KCNJ6: variants seen among roughly 807,000 people sequenced by gnomAD.
The protein encoded by KCNJ6 is potassium inwardly rectifying channel subfamily J member 6, also known as G protein-activated inward rectifier potassium channel 2.
Under a neutral mutation model 34.2 loss-of-function variants are expected in KCNJ6, and 9 were observed. That is an observed-to-expected ratio of 0.26 (90% confidence interval 0.16 to 0.46). The LOEUF (loss-of-function observed/expected upper bound fraction) is 0.46, where lower values mean the gene tolerates loss of function less well. KCNJ6 is among the 20% of genes least tolerant of loss of function. The pLI is 1.00. For missense variants in KCNJ6, 236 were observed against 531.3 expected (o/e 0.44, Z 5.46); for synonymous variants, 196 against 207.1 (o/e 0.95, Z 0.46).
intron 2 of KCNJ6, among the ~76,000 whole-genome samples, chr21:37,797,045 G>A (rs1165419215): frequency 6.6e-6 from 1 of 151,640 alleles, no homozygotes; most frequent in African/African-American, 2.4e-5. Flanking sequence ...CACCCGCCTC[G>A]GCCTCCCAAA....
At chr21:37,836,959 A>T (rs922717402) in intron 2 of KCNJ6, among the ~76,000 whole-genome samples, 3 of 152,106 alleles carry the variant, frequency 2.0e-5, no homozygotes, top group African/African-American at 4.8e-5. Context: ...GAACTGCCAC[A>T]CTTAGTTTGC....
rs924939979 is a variant in KCNJ6 at position 37,617,237 on chromosome 21, G to A, written c.*7922C>T. On this transcript the variant is annotated 3_prime_UTR_variant, in exon 4 of 4. Transcript: ENST00000609713. ...CCTTCCTTCTTTTCTTTCTTTTTTTGAGACTGAGTCTCGCTCCGTGGCCCA... is the reference window on the plus strand; with the variant it reads ...CCTTCCTTCTTTTCTTTCTTTTTTTAAGACTGAGTCTCGCTCCGTGGCCCA... 1 of 106,454 alleles carries A rather than the reference G, an allele frequency of 9.4e-6. No homozygotes were observed. The allele number at this position is 106,454 out of a possible 1,614,324, so 6.6% of individuals were successfully genotyped here. A position where few individuals can be genotyped will look rare whatever the true frequency, so the allele number is the denominator to read the frequency against.
At chr21:37,817,697 C>T (rs1010716337) in intron 2 of KCNJ6, among the ~76,000 whole-genome samples, 4 of 152,128 alleles carry the variant, frequency 2.6e-5, no homozygotes, top group African/African-American at 4.8e-5. Context: ...CAGAAATAAC[C>T]GCGTGGCATT....
intron 3 of KCNJ6, among the ~76,000 whole-genome samples, chr21:37,672,138 ATCCCTG>A (rs2054545147): frequency 6.6e-6 from 1 of 152,122 alleles, no homozygotes; most frequent in Admixed American, 6.6e-5. Context: ...CTTAAGGGTG[ATCCCTG>A]CTTGGCTTAA....
At chr21:37,701,426 C>G (rs1476076798) in intron 3 of KCNJ6, among the ~76,000 whole-genome samples, 3 of 152,052 alleles carry the variant, frequency 2.0e-5, no homozygotes, top group African/African-American at 7.2e-5. Flanking sequence ...TTTTAAGTGA[C>G]TCAAGACTTC....
intron 2 of KCNJ6, among the ~76,000 whole-genome samples, chr21:37,730,052 A>T (rs1037553540): frequency 1.3e-5 from 2 of 152,182 alleles, no homozygotes; most frequent in African/African-American, 2.4e-5. Context: ...TCCCTGAAGC[A>T]GTGGCTGCTT....
Position 37,623,544 on chromosome 21 carries a change from C to T in KCNJ6, c.*1615G>A, listed in dbSNP as rs2054297723. 1 of 152,320 alleles carries T rather than the reference C, an allele frequency of 6.6e-6. No homozygotes were observed. Among genetic ancestry groups the T allele is most frequent in the South Asian group, 2.1e-4 (1 of 4,830 alleles). 9.4% of individuals were successfully genotyped at this position (152,320 alleles called of 1,614,324 possible). A position where few individuals can be genotyped will look rare whatever the true frequency, so the allele number is the denominator to read the frequency against. On this transcript the variant is annotated 3_prime_UTR_variant, in exon 4 of 4. Transcript: ENST00000609713. ...TCTCCACCTGCCCCGGAGGTTTGAT[C>T]TAAGATTTGTTTCCTTATTTTTTTC...
chr21:37,909,533 T>C (rs559368150), intron 1 of KCNJ6, among the ~76,000 whole-genome samples: 101 of 152,134 alleles, frequency 6.6e-4, no homozygotes, highest in Non-Finnish European at 1.1e-3. Flanking sequence ...ACCTGGCTGA[T>C]TTTTGTATTT....
At chr21:37,769,897 C>T (rs1031440649) in intron 2 of KCNJ6, among the ~76,000 whole-genome samples, 1 of 152,142 alleles carries the variant, frequency 6.6e-6, no homozygotes, top group Non-Finnish European at 1.5e-5. Context: ...CAGTGTTCCT[C>T]CCCTCCAGAG....
chr21:37,864,187 C>T (rs958401705), intron 1 of KCNJ6, among the ~76,000 whole-genome samples: 1 of 151,888 alleles, frequency 6.6e-6, no homozygotes, highest in African/African-American at 2.4e-5. Context: ...TCTTGGCTGA[C>T]TGCAATCTCT....
chr21:37,671,531 C>T (rs890722737), intron 3 of KCNJ6, among the ~76,000 whole-genome samples: 8 of 152,218 alleles, frequency 5.3e-5, no homozygotes, highest in Non-Finnish European at 1.2e-4. Context: ...GAACTGCTTT[C>T]GCAAATTAAT....
At chr21:37,658,691 G>A (rs2123395816) in intron 3 of KCNJ6, among the ~76,000 whole-genome samples, 1 of 152,200 alleles carries the variant, frequency 6.6e-6, no homozygotes, top group East Asian at 1.9e-4. Context: ...GGGAAGGGAC[G>A]CTGAGGCCAA....
intron 2 of KCNJ6, among the ~76,000 whole-genome samples, chr21:37,781,339 G>A (rs2055168590): frequency 6.6e-6 from 1 of 152,184 alleles, no homozygotes; most frequent in Non-Finnish European, 1.5e-5. Flanking sequence ...CTGGGGTAAG[G>A]GCGCAGTGAC....
At chr21:37,898,189 G>T (rs1404896320) in intron 1 of KCNJ6, among the ~76,000 whole-genome samples, 1 of 152,232 alleles carries the variant, frequency 6.6e-6, no homozygotes, top group African/African-American at 2.4e-5. Context: ...GGCATCTGTG[G>T]AATCTGATTT....
intron 2 of KCNJ6, among the ~76,000 whole-genome samples, chr21:37,721,948 G>GCAAT (rs1358882171): frequency 6.6e-6 from 1 of 151,812 alleles, no homozygotes; most frequent in African/African-American, 2.4e-5. Context: ...CCTAGCCAGA[G>GCAAT]CAATCAGGCA....
intron 2 of KCNJ6, among the ~76,000 whole-genome samples, chr21:37,732,654 G>A (rs1195448547): frequency 6.6e-6 from 1 of 152,192 alleles, no homozygotes; most frequent in East Asian, 1.9e-4. Context: ...ACAGAGGAAA[G>A]AATAGTCAAT....
chr21:37,855,406 C>T (rs2055559638), intron 1 of KCNJ6, among the ~76,000 whole-genome samples: 1 of 152,170 alleles, frequency 6.6e-6, no homozygotes, highest in African/African-American at 2.4e-5. Context: ...GGAGAATTAG[C>T]ATAACCCTCA....
chr21:37,915,571 C>T (rs1204736709), intron 1 of KCNJ6, among the ~76,000 whole-genome samples: 1 of 152,204 alleles, frequency 6.6e-6, no homozygotes, highest in African/African-American at 2.4e-5. Context: ...TCTTTGCCAG[C>T]GGATGTTGAA....
At chr21:37,867,865 C>A (rs2055630779) in intron 1 of KCNJ6, among the ~76,000 whole-genome samples, 1 of 152,226 alleles carries the variant, frequency 6.6e-6, no homozygotes, top group Non-Finnish European at 1.5e-5. Context: ...TGGTACCTTG[C>A]ACTTTGGGTT....
Sources: gnomAD v4.1 joint callset for allele counts (sites outside exome capture counted in the v4.1 genomes callset) on GRCh38, gnomAD v4.1.1 for gene constraint, MANE v1.5 for transcripts, NCBI Gene and HGNC (gene_info 2026-07-23, HGNC 2026-07-21) for gene names.